Variants in SRGN observed in about 807,000 individuals in gnomAD.
SRGN encodes the protein hematopoetic proteoglycan core peptide.
In SRGN, 2 loss-of-function variants were observed where a neutral mutation model predicts 9.5. The ratio of observed to expected loss-of-function variants is 0.21; its 90% CI spans 0.09 to 0.66. The LOEUF (loss-of-function observed/expected upper bound fraction) is 0.66, where lower values mean the gene tolerates loss of function less well. Ranked by LOEUF, SRGN falls within the 30% of genes least tolerant of loss-of-function variation. The probability of loss-of-function intolerance (pLI) is 0.83; values close to 1 mark genes in which losing one functional copy is unlikely to be tolerated. For missense variants in SRGN, 170 were observed against 192.4 expected (o/e 0.88, Z 0.69); for synonymous variants, 59 against 72.3 (o/e 0.82, Z 0.93).
chr10:69,091,946 T>C (rs1453109306), intron 1 of SRGN, among the ~76,000 whole-genome samples: 2 of 127,702 alleles, frequency 1.6e-5, no homozygotes, highest in African/African-American at 5.9e-5. Context: ...GAAATTAGTA[T>C]ATTGTGATTA....
At chr10:69,096,506 C>T (rs1489533796) in intron 1 of SRGN, among the ~76,000 whole-genome samples, 2 of 152,134 alleles carry the variant, frequency 1.3e-5, no homozygotes, top group Non-Finnish European at 1.5e-5. Flanking sequence ...GGACTTCACT[C>T]CAGGCAGCTG....
chr10:69,089,301 A>G (rs2132151317), intron 1 of SRGN, among the ~76,000 whole-genome samples: 1 of 152,330 alleles, frequency 6.6e-6, no homozygotes, highest in South Asian at 2.1e-4. Flanking sequence ...TAATTTATGT[A>G]TTTTTAAAAT....
chr10:69,103,834 C>G, intron 2 of SRGN, 37 bp from the exon 3 acceptor site: 1 of 1,605,626 alleles, frequency 6.2e-7, no homozygotes, highest in Non-Finnish European at 8.5e-7. Context: ...ATATCAAACT[C>G]CACTGGTTTT....
intron 2 of SRGN, among the ~76,000 whole-genome samples, chr10:69,101,652 C>T (rs1309133042): frequency 6.6e-6 from 1 of 152,178 alleles, no homozygotes; most frequent in Non-Finnish European, 1.5e-5. Context: ...TGCCTGCCCC[C>T]TCCTTTCCTC....
rs138154045 is a variant in SRGN at position 69,103,949 on chromosome 10, C to T, written c.306C>T (p.Ser102=). ...DYSGSGFGSG[S]GSGSGSGSGF... ...CTGGATCAGGCTTCGGCTCCGGCTC[C>T]GGCTCTGGATCAGGATCTGGGAGTG... is the stretch of plus-strand genomic sequence containing the variant. Residue 102 remains serine, a synonymous_variant, in exon 3 of 3, where the codon TCC becomes TCT. Transcript: ENST00000242465. 1.4e-3 allele frequency: 2,220 copies of T among 1,614,182 alleles called. 10 individuals carry two copies. The highest frequency in any genetic ancestry group is 0.012 in the Middle Eastern group (70 of 6,062).
chr10:69,097,427 A>ATTTT (rs71035049), intron 2 of SRGN, among the ~76,000 whole-genome samples, 196 bp downstream of exon 2: 59,230 of 110,740 alleles, frequency 0.53, 17,814 homozygotes, highest in Middle Eastern at 0.68. Context: ...TGCCCAGCTA[A>ATTTT]TTTTTTTTTT....
At chr10:69,103,824 A>G (rs763621901) in intron 2 of SRGN, 47 bp from the exon 3 acceptor site, 16 of 1,593,050 alleles carry the variant, frequency 1.0e-5, no homozygotes, top group Non-Finnish European at 1.3e-5. Flanking sequence ...TCTTTCCCAC[A>G]TATCAAACTC....
intron 1 of SRGN, among the ~76,000 whole-genome samples, chr10:69,091,350 G>A (rs2855024): frequency 0.15 from 23,135 of 152,118 alleles, 2,208 homozygotes; most frequent in Middle Eastern, 0.28. Context: ...TTGCTATAAC[G>A]TTTCCCACTG....
intron 2 of SRGN, among the ~76,000 whole-genome samples, chr10:69,101,053 G>T (rs1840280999): frequency 2.0e-5 from 3 of 149,826 alleles, no homozygotes; most frequent in African/African-American, 7.4e-5. Flanking sequence ...TGCGATCTCA[G>T]CTCACTGCCA....
In SRGN at chr10:69,104,176, A is replaced by G. The variant is rs778869448; in HGVS notation, c.*56A>G. ...ATGTAGTTAGCATATTTTATGTACC[A>G]TGGTTATATGATTAATCTTGGGACA... is the stretch of plus-strand genomic sequence containing the variant. On this transcript the variant is annotated 3_prime_UTR_variant, in exon 3 of 3. Coordinates refer to ENST00000242465, the MANE Select transcript of SRGN (RefSeq NM_002727.4). 2.5e-5 allele frequency: 39 copies of G among 1,558,026 alleles called. No homozygotes were observed. Among genetic ancestry groups the G allele is most frequent in the Non-Finnish European group, 3.4e-5 (39 of 1,149,144 alleles).
Position 69,104,048 on chromosome 10 carries a change from T to C in SRGN, c.405T>C (p.Ser135=). 1 of 1,614,212 alleles carries C rather than the reference T, an allele frequency of 6.2e-7. No homozygotes were observed. Among genetic ancestry groups the C allele is most frequent in the Non-Finnish European group, 8.5e-7 (1 of 1,180,052 alleles). Residue 135 remains serine (S), a synonymous_variant, in exon 3 of 3, where the codon TCT becomes TCC. Transcript: ENST00000242465. The part of the protein sequence containing the change: ...ESDAFHDNLR[S]LDRNLPSDSQ... ...ATGCTTTCCATGACAACCTTAGGTCTCTTGACAGGAATCTGCCCTCAGACA... is the reference window on the plus strand; with the variant it reads ...ATGCTTTCCATGACAACCTTAGGTCCCTTGACAGGAATCTGCCCTCAGACA...
chr10:69,093,383 T>C (rs1413609880), intron 1 of SRGN, among the ~76,000 whole-genome samples: 6 of 152,250 alleles, frequency 3.9e-5, no homozygotes, highest in Admixed American at 1.3e-4. Context: ...TTTAAAAATA[T>C]GGCCGCTGGA....
intron 2 of SRGN, among the ~76,000 whole-genome samples, chr10:69,102,357 T>A (rs1840311399): frequency 6.6e-6 from 1 of 152,228 alleles, no homozygotes; most frequent in Non-Finnish European, 1.5e-5. Context: ...CTGTGCCACC[T>A]ATGATTTTCC....
intron 1 of SRGN, among the ~76,000 whole-genome samples, chr10:69,089,264 G>A (rs193289659): frequency 6.6e-6 from 1 of 152,140 alleles, no homozygotes; most frequent in Non-Finnish European, 1.5e-5. Flanking sequence ...GCTGAAAAAA[G>A]AGCAAGTAAT....
chr10:69,087,674 C>T (rs963711279), upstream of SRGN, among the ~76,000 whole-genome samples: 10 of 151,878 alleles, frequency 6.6e-5, no homozygotes, highest in Admixed American at 2.0e-4. Context: ...TGTTACTCCC[C>T]GGTGAAAAAG....
chr10:69,091,915 G>GAA (rs144115937), intron 1 of SRGN, among the ~76,000 whole-genome samples: 18,096 of 72,266 alleles, frequency 0.25, 2,052 homozygotes, highest in Non-Finnish European at 0.34. Context: ...AAAAGAAAAA[G>GAA]AAAAGAAAAG....
chr10:69,097,495 C>T (rs897358632), intron 2 of SRGN, among the ~76,000 whole-genome samples: 3 of 141,422 alleles, frequency 2.1e-5, no homozygotes, highest in African/African-American at 5.2e-5. Flanking sequence ...GGCGCAATCT[C>T]GGCTCACTGC....
intron 1 of SRGN, among the ~76,000 whole-genome samples, chr10:69,095,040 G>A (rs1840147317): frequency 6.6e-6 from 1 of 151,540 alleles, no homozygotes; most frequent in African/African-American, 2.4e-5. Flanking sequence ...GGGTGTGGTG[G>A]CTCACACCTG....
chr10:69,097,920 G>T (rs551393229), intron 2 of SRGN, among the ~76,000 whole-genome samples: 2 of 152,290 alleles, frequency 1.3e-5, no homozygotes, highest in Admixed American at 1.3e-4. Context: ...AGATGTGGGA[G>T]TGTTTTTCTT....
Sources: gnomAD v4.1 joint callset for allele counts (sites outside exome capture counted in the v4.1 genomes callset) on GRCh38, gnomAD v4.1.1 for gene constraint, MANE v1.5 for transcripts, NCBI Gene and HGNC (gene_info 2026-07-23, HGNC 2026-07-21) for gene names.